FAM47A: variants seen among roughly 807,000 people sequenced by gnomAD.
FAM47A encodes protein FAM47A.
Under a neutral mutation model 2.6 loss-of-function variants are expected in FAM47A, and 1 was observed. That is an observed-to-expected ratio of 0.39 (90% CI 0.14 to 1.83). The LOEUF (loss-of-function observed/expected upper bound fraction) is 1.83, where lower values mean the gene tolerates loss of function less well. FAM47A is among the 40% of genes most tolerant of loss of function. The pLI is 0.32. For synonymous variants in FAM47A, 278 were observed against 270.1 expected (o/e 1.03, Z -0.29); for missense variants, 657 against 673.1 (o/e 0.98, Z 0.26).
Position 34,131,006 on chromosome X carries a change from G to A in FAM47A, c.1273C>T (p.Leu425=). 8.4e-7 allele frequency: 1 copy of A among 1,194,038 alleles called. No individual in the cohort carries two copies. The highest frequency in any genetic ancestry group is 3.0e-5 in the East Asian group (1 of 33,562). ...PPDTSQVSNL[L]LYILKVLDSG... is the part of the protein sequence containing the mutation. ...TCCAGCACTTTCAGTATGTATAGTA[G>A]GAGATTGGACACCTGACTAGTGTCG... Residue 425 remains leucine, a synonymous_variant, in exon 1 of 1, where the codon CTA becomes TTA. Transcript: ENST00000346193.
chrX:34,132,238 C>G lies in FAM47A; in HGVS notation c.41G>C (p.Gly14Ala). 8.4e-7 allele frequency: 1 copy of G among 1,190,694 alleles called. No individual in the cohort carries two copies. The highest frequency in any genetic ancestry group is 1.1e-6 in the Non-Finnish European group (1 of 884,727). ...QRLQDWLRSP[G>A]MDSKPWYCNK... ...ACAGTACCAGGGCTTGGAGTCCATGCCCGGGGACCTCAGCCAGTCCTGCAG... is the reference window on the plus strand; with the variant it reads ...ACAGTACCAGGGCTTGGAGTCCATGGCCGGGGACCTCAGCCAGTCCTGCAG... Residue 14 changes from glycine (G) to alanine (A), a missense_variant, in exon 1 of 1, where the codon GGC becomes GCC. Physicochemically the swap from Gly to Ala is moderately conservative, Grantham distance 60. Around this residue, in one of 3 missense-constraint regions of FAM47A, gnomAD observed 436 missense variants for 414.1 expected, o/e 1.05. Coordinates refer to ENST00000346193, the MANE Select transcript of FAM47A (RefSeq NM_203408.4).
In FAM47A at chrX:34,130,324, G is replaced by A. The variant is rs1310026840; in HGVS notation, c.1955C>T (p.Ser652Leu). ...QKFKKVKECS[S>L]ELKYSMELDE... is the part of the protein sequence containing the mutation. Reference sequence around the variant, plus strand: ...TAGCTCCATGCTGTACTTCAGCTCTGAGGAACACTCCTTTACTTTCTTAAA... The same window carrying A: ...TAGCTCCATGCTGTACTTCAGCTCTAAGGAACACTCCTTTACTTTCTTAAA... Residue 652 changes from serine (S) to leucine (L), a missense_variant, in exon 1 of 1, where the codon TCA becomes TTA. Physicochemically the swap from Ser to Leu is moderately radical, Grantham distance 145. Transcript: ENST00000346193. 1.1e-5 allele frequency: 13 copies of A among 1,209,617 alleles called. No individual in the cohort carries two copies. In the Middle Eastern group the frequency reaches 1.6e-3, roughly 149 times the overall value.
rs745931235 is a variant in FAM47A, at chrX:34,131,060, C to G, written c.1219G>C (p.Gly407Arg). 6 of 1,188,466 alleles carry G rather than the reference C, an allele frequency of 5.0e-6. No homozygotes were observed. In the Admixed American group the frequency reaches 1.4e-4, roughly 27 times the overall value. Reference protein sequence around the residue: ...SHLHPVPPKTGVCHLRLEPPD... With the variant: ...SHLHPVPPKTRVCHLRLEPPD... ...GGTTCCAGGCGGAGATGGCACACTC[C>G]AGTCTTGGGAGGCACTGGGTGGAGA... Residue 407 changes from glycine (G) to arginine (R), a missense_variant, in exon 1 of 1, where the codon GGA (glycine) becomes CGA (arginine). This residue lies in a region of FAM47A where 436 missense variants were observed against 414.1 expected (regional missense o/e 1.05). Transcript: ENST00000346193.
In FAM47A at chrX:34,132,166, A is replaced by G; in HGVS notation, c.113T>C (p.Leu38Pro). 8.3e-7 allele frequency: 1 copy of G among 1,211,382 alleles called. No homozygotes were observed. Among genetic ancestry groups the G allele is most frequent in the Non-Finnish European group, 1.1e-6 (1 of 895,351 alleles). ...KCFAKCKHRR[L>P]RFPPMDTQNW... ...CTGGGTGTCCATGGGTGGGAACCTCAGGCGCCTGTGCTTGCACTTCGCGAA... is the reference window on the plus strand; with the variant it reads ...CTGGGTGTCCATGGGTGGGAACCTCGGGCGCCTGTGCTTGCACTTCGCGAA... Residue 38 changes from leucine to proline, a missense_variant, in exon 1 of 1, where the codon CTG becomes CCG. Transcript: ENST00000346193.
Position 34,132,151 on chromosome X carries a change from A to C in FAM47A, c.128T>G (p.Met43Arg). 2 of 1,211,238 alleles carry C rather than the reference A, an allele frequency of 1.7e-6. No individual in the cohort carries two copies. Among genetic ancestry groups the C allele is most frequent in the Non-Finnish European group, 2.2e-6 (2 of 895,360 alleles). Residue 43 changes from methionine to arginine, a missense_variant, in exon 1 of 1, where the codon ATG becomes AGG. By Grantham distance (91) the Met-to-Arg change is moderately conservative. Coordinates refer to ENST00000346193, the MANE Select transcript of FAM47A (RefSeq NM_203408.4). ...CKHRRLRFPP[M>R]DTQNWVFVKE... Reference sequence around the variant, plus strand: ...CACAAATACCCAGTTCTGGGTGTCCATGGGTGGGAACCTCAGGCGCCTGTG... The same window carrying C: ...CACAAATACCCAGTTCTGGGTGTCCCTGGGTGGGAACCTCAGGCGCCTGTG...
At position 34,131,745 on chromosome X, in the gene FAM47A, C is replaced by G; in HGVS notation, c.534G>C (p.Glu178Asp). ...ATTCCCCACAGGGATGTTTACCAGG[C>G]TCAGTGGGTACCTCTGTTGTCTTCT... ...TQEKTTEVPT[E>D]PGKHPCGEFC... The change falls in exon 1 of 1, where the codon GAG becomes GAC. Residue 178 changes from glutamate to aspartate, a missense_variant. Glu to Asp is a conservative substitution (Grantham distance 45). Coordinates refer to ENST00000346193, the MANE Select transcript of FAM47A (RefSeq NM_203408.4). 1 of 1,208,638 alleles carries G rather than the reference C, an allele frequency of 8.3e-7. No individual in the cohort carries two copies.
Position 34,129,950 on chromosome X carries a change from T to G in FAM47A, c.2329A>C (p.Ile777Leu). Residue 777 changes from isoleucine (I) to leucine (L), a missense_variant, in exon 1 of 1, where the codon ATA becomes CTA. By Grantham distance (5) the Ile-to-Leu change is conservative. Coordinates refer to ENST00000346193, the MANE Select transcript of FAM47A (RefSeq NM_203408.4). ...SVKTPIQRAM[I>L]FYKYKEIVEA... is the part of the protein sequence containing the mutation. ...ACGATTTCTTTGTACTTGTAAAATA[T>G]CATTGCACGTTGAATAGGAGTCTTA... The G allele has an allele frequency of 8.3e-7, 1 of 1,205,470 alleles. No individual in the cohort carries two copies.
rs777849796 is a variant in FAM47A, at chrX:34,130,915, G to T, written c.1364C>A (p.Pro455His). The change falls in exon 1 of 1, where the codon CCC (proline) becomes CAC (histidine). Residue 455 changes from proline to histidine, a missense_variant. Pro to His is a moderately conservative substitution (Grantham distance 77). Transcript: ENST00000346193. The part of the protein sequence containing the change: ...CEARVKKTKE[P>H]TEPHKSPCGE... ...ACAAGGGGATTTATGAGGCTCGGTG[G>T]GTTCCTTAGTTTTCTTCACCCGGGC... The T allele has an allele frequency of 5.0e-6, 6 of 1,205,983 alleles. No individual in the cohort carries two copies. The highest frequency in any genetic ancestry group is 3.5e-5 in the South Asian group (2 of 56,486).
rs373419130 is a variant in FAM47A, at chrX:34,130,118, G to A, written c.2161C>T (p.Leu721Phe). The change falls in exon 1 of 1, where the codon CTT becomes TTT. Residue 721 changes from leucine to phenylalanine, a missense_variant. Around this residue, in one of 3 missense-constraint regions of FAM47A, gnomAD observed 198 missense variants for 203.4 expected, o/e 0.97. Transcript: ENST00000346193. The part of the protein sequence containing the change: ...DEPLIDPKLL[L>F]KKPDEPDVLD... ...ACGTCAGGTTCATCAGGCTTTTTAA[G>A]TAAGAGCTTGGGGTCAATCAAAGGT... 4 of 1,210,922 alleles carry A rather than the reference G, an allele frequency of 3.3e-6. No individual in the cohort carries two copies. In the East Asian group the frequency reaches 1.2e-4, roughly 36 times the overall value.
rs1358087877 is a variant in FAM47A at position 34,131,733 on chromosome X, A to T, written c.546T>A (p.His182Gln). 5 of 1,206,364 alleles carry T rather than the reference A, an allele frequency of 4.1e-6. No homozygotes were observed. The East Asian group carries it at 1.5e-4, about 36-fold the overall frequency. ...TTEVPTEPGKHPCGEFCLKPP... is the reference protein window; with the variant it reads ...TTEVPTEPGKQPCGEFCLKPP... ...GCTTCAGGCAGAATTCCCCACAGGG[A>T]TGTTTACCAGGCTCAGTGGGTACCT... Residue 182 changes from histidine to glutamine, a missense_variant, in exon 1 of 1, where the codon CAT becomes CAA. Physicochemically the swap from His to Gln is conservative, Grantham distance 24. Around this residue, in one of 3 missense-constraint regions of FAM47A, gnomAD observed 436 missense variants for 414.1 expected, o/e 1.05. Transcript: ENST00000346193.
rs1569241928 is a variant in FAM47A at position 34,131,322 on chromosome X, C to T, written c.957G>A (p.Lys319=). ...PLSHLRQEPP[K]TPVSSLRPEP... The stretch of plus-strand genomic sequence containing the variant: ...CCGGGCGGAGACTGGACACCGGAGT[C>T]TTGGGAGGCTCCTGGCGGAGATGGG... The change falls in exon 1 of 1, where the codon AAG becomes AAA. Residue 319 remains lysine (K), a synonymous_variant. Transcript: ENST00000346193. 1.7e-6 allele frequency: 2 copies of T among 1,209,956 alleles called. No individual in the cohort carries two copies. The highest frequency in any genetic ancestry group is 5.9e-5 in the East Asian group (2 of 33,708).
rs776209186 is a variant in FAM47A, at chrX:34,131,360, C to T, written c.919G>A (p.Glu307Lys). Residue 307 changes from glutamate to lysine, a missense_variant, in exon 1 of 1, where the codon GAG (glutamate) becomes AAG (lysine). By Grantham distance (56) the Glu-to-Lys change is moderately conservative (BLOSUM62 1). Around this residue, in one of 3 missense-constraint regions of FAM47A, gnomAD observed 436 missense variants for 414.1 expected, o/e 1.05. Coordinates refer to ENST00000346193, the MANE Select transcript of FAM47A (RefSeq NM_203408.4). ...PCGKFCPRPF[E>K]TPLSHLRQEP... is the part of the protein sequence containing the mutation. ...TGGCGGAGATGGGACAGTGGAGTCT[C>T]GAAAGGCCGAGGACAGAATTTCCCA... 5.8e-6 allele frequency: 7 copies of T among 1,202,892 alleles called. No homozygotes were observed. The highest frequency in any genetic ancestry group is 3.0e-5 in the East Asian group (1 of 33,461).
rs373597275 is a variant in FAM47A, at chrX:34,132,057, G to T, written c.222C>A (p.Asp74Glu). ...GAGATATTTTGGGGAGTAAAAACTC[G>T]TCACGGCGACAAACGAGAGTATCTT... is the stretch of plus-strand genomic sequence containing the variant. Reference protein sequence around the residue: ...SPEDTLVCRRDEFLLPKISLR... With the variant: ...SPEDTLVCRREEFLLPKISLR... Residue 74 changes from aspartate (D) to glutamate (E), a missense_variant, in exon 1 of 1, where the codon GAC becomes GAA. Asp to Glu is a conservative substitution (Grantham distance 45). Transcript: ENST00000346193. 43 of 1,208,649 alleles carry T rather than the reference G, an allele frequency of 3.6e-5. No individual in the cohort carries two copies. The highest frequency in any genetic ancestry group is 4.6e-5 in the Non-Finnish European group (41 of 894,740).
Position 34,131,643 on chromosome X carries a change from G to A in FAM47A, c.636C>T (p.Ser212=). 3.3e-6 allele frequency: 4 copies of A among 1,210,179 alleles called. No homozygotes were observed. The highest frequency in any genetic ancestry group is 3.0e-5 in the East Asian group (1 of 33,754). The stretch of plus-strand genomic sequence containing the variant: ...ACACCGGAGTCTTGGGAGGCTCCGG[G>A]CTTAGATGGGACACTCCAGTCTCGG... ...EPPETGVSHL[S]PEPPKTPVSS... The change falls in exon 1 of 1, where the codon AGC becomes AGT. Residue 212 remains serine (S), a synonymous_variant. Transcript: ENST00000346193.
Position 34,132,141 on chromosome X carries a change from C to A in FAM47A, c.138G>T (p.Gln46His). The change falls in exon 1 of 1, where the codon CAG becomes CAT. Residue 46 changes from glutamine (Q) to histidine (H), a missense_variant. Coordinates refer to ENST00000346193, the MANE Select transcript of FAM47A (RefSeq NM_203408.4). ...RRLRFPPMDT[Q>H]NWVFVKEGMD... ...TGCCCTCCTTCACAAATACCCAGTT[C>A]TGGGTGTCCATGGGTGGGAACCTCA... The A allele has an allele frequency of 8.3e-7, 1 of 1,211,542 alleles. No individual in the cohort carries two copies. Among genetic ancestry groups the A allele is most frequent in the Non-Finnish European group, 1.1e-6 (1 of 895,438 alleles).
chrX:34,131,306 G>A lies in FAM47A; in HGVS notation c.973C>T (p.Leu325Phe). 7 of 1,210,857 alleles carry A rather than the reference G, an allele frequency of 5.8e-6. No homozygotes were observed. Among genetic ancestry groups the A allele is most frequent in the Non-Finnish European group, 7.8e-6 (7 of 895,175 alleles). ...CCAGTCTCCGGAGGCTCCGGGCGGA[G>A]ACTGGACACCGGAGTCTTGGGAGGC... ...QEPPKTPVSS[L>F]RPEPPETGES... The change falls in exon 1 of 1, where the codon CTC becomes TTC. Residue 325 changes from leucine to phenylalanine, a missense_variant. By Grantham distance (22) the Leu-to-Phe change is conservative (BLOSUM62 0). This residue lies in a region of FAM47A where 436 missense variants were observed against 414.1 expected (regional missense o/e 1.05). Coordinates refer to ENST00000346193, the MANE Select transcript of FAM47A (RefSeq NM_203408.4).
Position 34,132,158 on chromosome X carries a change from G to A in FAM47A, c.121C>T (p.Pro41Ser). The A allele has an allele frequency of 8.3e-7, 1 of 1,211,474 alleles. No individual in the cohort carries two copies. The highest frequency in any genetic ancestry group is 1.1e-6 in the Non-Finnish European group (1 of 895,413). The change falls in exon 1 of 1, where the codon CCA becomes TCA. Residue 41 changes from proline to serine, a missense_variant. Coordinates refer to ENST00000346193, the MANE Select transcript of FAM47A (RefSeq NM_203408.4). ...AKCKHRRLRFPPMDTQNWVFV... is the reference protein window; with the variant it reads ...AKCKHRRLRFSPMDTQNWVFV... ...ACCCAGTTCTGGGTGTCCATGGGTG[G>A]GAACCTCAGGCGCCTGTGCTTGCAC...
rs1374953405 is a variant in FAM47A, at chrX:34,130,301, G to T, written c.1978C>A (p.Leu660Ile). The T allele has an allele frequency of 3.3e-6, 4 of 1,210,213 alleles. No homozygotes were observed. The highest frequency in any genetic ancestry group is 4.5e-6 in the Non-Finnish European group (4 of 895,097). The change falls in exon 1 of 1, where the codon CTA becomes ATA. Residue 660 changes from leucine (L) to isoleucine (I), a missense_variant. Leu to Ile is a conservative substitution (Grantham distance 5, BLOSUM62 2). This residue lies in a region of FAM47A where 198 missense variants were observed against 203.4 expected (regional missense o/e 0.97). Transcript: ENST00000346193. The stretch of plus-strand genomic sequence containing the variant: ...AATTTGTCCTCATCCTTTTCATCTA[G>T]CTCCATGCTGTACTTCAGCTCTGAG... ...CSSELKYSME[L>I]DEKDEDKFFS...
rs774911096 is a variant in FAM47A, at chrX:34,131,447, C to A, written c.832G>T (p.Ala278Ser). ...DSERKLEDAR[A>S]PCEGREKTTD... ...GTCTTCTCCCGGCCCTCACAAGGAG[C>A]CCGTGCGTCTTCCAGCTTCCTCTCA... Residue 278 changes from alanine (A) to serine (S), a missense_variant, in exon 1 of 1, where the codon GCT becomes TCT. By Grantham distance (99) the Ala-to-Ser change is moderately conservative. This residue lies in a region of FAM47A where 436 missense variants were observed against 414.1 expected (regional missense o/e 1.05). Coordinates refer to ENST00000346193, the MANE Select transcript of FAM47A (RefSeq NM_203408.4). 1 of 1,210,016 alleles carries A rather than the reference C, an allele frequency of 8.3e-7. No individual in the cohort carries two copies. Among genetic ancestry groups the A allele is most frequent in the Non-Finnish European group, 1.1e-6 (1 of 895,131 alleles).
Sources: gnomAD v4.1 joint callset for allele counts on GRCh38, gnomAD v4.1.1 for gene constraint, gnomAD v4.1.1 regional missense constraint, MANE v1.5 for transcripts, NCBI Gene and HGNC (gene_info 2026-07-23, HGNC 2026-07-21) for gene names.